Variants in NCOA1 observed in about 807,000 individuals in gnomAD.
NCOA1 encodes nuclear receptor coactivator 1, also known as Hin-2 protein.
Under a neutral mutation model 150.9 loss-of-function variants are expected in NCOA1, and 35 were observed. The observed-to-expected ratio is 0.23, with a 90% CI of 0.18 to 0.31. The LOEUF is 0.31. Ranked by LOEUF, NCOA1 falls within the 10% of genes least tolerant of loss-of-function variation. The probability of loss-of-function intolerance (pLI) is 1.00; values close to 1 mark genes in which losing one functional copy is unlikely to be tolerated. For synonymous variants in NCOA1, 590 were observed against 630.0 expected, an observed-to-expected ratio of 0.94 and a Z score of 0.95; for missense variants, 1,491 against 1,749.3, an observed-to-expected ratio of 0.85 and a Z score of 2.63.
chr2:24,625,444 G>A (rs1197136486), intron 3 of NCOA1, among the ~76,000 whole-genome samples: 1 of 148,162 alleles, frequency 6.7e-6, no homozygotes, highest in Admixed American at 6.7e-5. Flanking sequence ...TAAAAATTTT[G>A]TTGATCTTTT....
intron 19 of NCOA1, among the ~76,000 whole-genome samples, chr2:24,749,679 TAACC>T (rs1418141396): frequency 6.6e-6 from 1 of 152,006 alleles, no homozygotes; most frequent in Non-Finnish European, 1.5e-5. Flanking sequence ...CCATGTAGCC[TAACC>T]ACAGCCCAGA....
intron 3 of NCOA1, among the ~76,000 whole-genome samples, chr2:24,615,636 A>G (rs567505502): frequency 2.4e-4 from 37 of 152,300 alleles, no homozygotes; most frequent in Admixed American, 2.1e-3. Context: ...GCATTGTCCT[A>G]GGCTCTGGAG....
intron 3 of NCOA1, among the ~76,000 whole-genome samples, chr2:24,605,187 T>C (rs1158936099): frequency 1.3e-5 from 2 of 152,164 alleles, no homozygotes; most frequent in East Asian, 1.9e-4. Context: ...GTTTGAGATA[T>C]TGTGAGGTTT....
At chr2:24,535,610 G>C (rs967127761) in intron 1 of NCOA1, among the ~76,000 whole-genome samples, 2 of 152,086 alleles carry the variant, frequency 1.3e-5, no homozygotes, top group African/African-American at 4.8e-5. Flanking sequence ...TCCATGTTTA[G>C]TGCTTCCTTC....
At chr2:24,661,744 G>A (rs918672630) in intron 5 of NCOA1, among the ~76,000 whole-genome samples, 6 of 152,054 alleles carry the variant, frequency 3.9e-5, no homozygotes, top group African/African-American at 1.4e-4. Context: ...TCAAGTTCCT[G>A]TATATATAGG....
rs757335592 is a variant in NCOA1 at position 24,711,029 on chromosome 2, G to A, written c.2517G>A (p.Ala839=). Residue 839 remains alanine, a synonymous_variant, in exon 14 of 23, where the codon GCG becomes GCA. Coordinates refer to ENST00000348332, the MANE Select transcript of NCOA1 (RefSeq NM_003743.5). Reference sequence around the variant, plus strand: ...GTGAGACAGACAGGATGGATGGTGCGGTCACCAGTGTAACCATCAAATCGG... The same window carrying A: ...GTGAGACAGACAGGATGGATGGTGCAGTCACCAGTGTAACCATCAAATCGG... The part of the protein sequence containing the change: ...GLCETDRMDG[A]VTSVTIKSEI... 102 of 1,614,010 alleles carry A rather than the reference G, an allele frequency of 6.3e-5. No individual in the cohort carries two copies. The highest frequency in any genetic ancestry group is 8.3e-5 in the Non-Finnish European group (98 of 1,180,024).
intron 21 of NCOA1, among the ~76,000 whole-genome samples, chr2:24,759,704 T>C (rs1664679715): frequency 6.6e-6 from 1 of 152,092 alleles, no homozygotes; most frequent in Non-Finnish European, 1.5e-5. Flanking sequence ...TATCTTCAAA[T>C]GATACTATAT....
At chr2:24,727,662 T>C (rs1251693590) in intron 15 of NCOA1, among the ~76,000 whole-genome samples, 1 of 152,240 alleles carries the variant, frequency 6.6e-6, no homozygotes. Flanking sequence ...TTATTAGGAT[T>C]AGTATTATTT....
intron 12 of NCOA1, among the ~76,000 whole-genome samples, chr2:24,706,081 G>A (rs1673411822): frequency 6.6e-6 from 1 of 151,960 alleles, no homozygotes; most frequent in Non-Finnish European, 1.5e-5. Context: ...CAGTGACACA[G>A]TATTTTCCTT....
At chr2:24,635,167 C>A (rs945567084) in intron 3 of NCOA1, among the ~76,000 whole-genome samples, 9 of 151,760 alleles carry the variant, frequency 5.9e-5, no homozygotes, top group Non-Finnish European at 1.3e-4. Flanking sequence ...ATTCTTCCCC[C>A]CATTCCTTCA....
chr2:24,714,405 GAAGT>G (rs1673914507), intron 14 of NCOA1, among the ~76,000 whole-genome samples: 1 of 151,900 alleles, frequency 6.6e-6, no homozygotes, highest in Non-Finnish European at 1.5e-5. Context: ...AGAGATGATA[GAAGT>G]AATAGAAAAA....
intron 2 of NCOA1, among the ~76,000 whole-genome samples, chr2:24,570,769 A>G (rs1259469749): frequency 6.6e-6 from 1 of 152,352 alleles, no homozygotes; most frequent in South Asian, 2.1e-4. Context: ...AGACAGAGAA[A>G]CACATTAAGT....
At chr2:24,508,616 TC>T (rs961597757) in intron 1 of NCOA1, among the ~76,000 whole-genome samples, 2 of 152,068 alleles carry the variant, frequency 1.3e-5, no homozygotes, top group African/African-American at 2.4e-5. Context: ...GATTCCCTCT[TC>T]CCCCCATCCC....
At chr2:24,583,756 C>G (rs553978107) in intron 2 of NCOA1, among the ~76,000 whole-genome samples, 2 of 152,106 alleles carry the variant, frequency 1.3e-5, no homozygotes, top group African/African-American at 4.8e-5. Flanking sequence ...GTGGATGAAC[C>G]TGGAGGACTG....
At chr2:24,591,368 A>G (rs1305645422) in intron 3 of NCOA1, among the ~76,000 whole-genome samples, 1 of 152,172 alleles carries the variant, frequency 6.6e-6, no homozygotes, top group Non-Finnish European at 1.5e-5. Flanking sequence ...AAGTTTCTTG[A>G]TCTCTCTGTG....
chr2:24,582,054 G>A (rs1044894573), intron 2 of NCOA1, among the ~76,000 whole-genome samples: 1 of 152,168 alleles, frequency 6.6e-6, no homozygotes, highest in African/African-American at 2.4e-5. Flanking sequence ...AATAAGGCAA[G>A]GATGCCCACT....
rs1400341690 is a variant in NCOA1 at position 24,770,145 on chromosome 2, A to G, written c.*1754A>G. 1 of 231,272 alleles carries G rather than the reference A, an allele frequency of 4.3e-6. No homozygotes were observed. The highest frequency in any genetic ancestry group is 8.6e-6 in the Non-Finnish European group (1 of 116,632). The allele number at this position is 231,272 out of a possible 1,614,324, so 14.3% of individuals were successfully genotyped here. ...AATAGGACACTCAGTTACAAACATT[A>G]TCTCCTTTAGTTTTTCAGAAAATGC... On this transcript the variant is annotated 3_prime_UTR_variant, in exon 23 of 23. Coordinates refer to ENST00000348332, the MANE Select transcript of NCOA1 (RefSeq NM_003743.5).
chr2:24,715,028 A>G (rs1673947391), intron 14 of NCOA1, among the ~76,000 whole-genome samples: 1 of 152,142 alleles, frequency 6.6e-6, no homozygotes, highest in Non-Finnish European at 1.5e-5. Flanking sequence ...AGAAAATGAT[A>G]TAAGATGAAC....
At chr2:24,532,934 G>T (rs1410549879) in intron 1 of NCOA1, among the ~76,000 whole-genome samples, 1 of 152,098 alleles carries the variant, frequency 6.6e-6, no homozygotes, top group Non-Finnish European at 1.5e-5. Flanking sequence ...TGGCATTGTG[G>T]GCTCTTTTTT....
Sources: gnomAD v4.1 joint callset for allele counts (sites outside exome capture counted in the v4.1 genomes callset) on GRCh38, gnomAD v4.1.1 for gene constraint, MANE v1.5 for transcripts, NCBI Gene and HGNC (gene_info 2026-07-23, HGNC 2026-07-21) for gene names.